Variants in VDAC1 observed in about 807,000 individuals in gnomAD.
The protein encoded by VDAC1 is voltage dependent anion channel 1.
VDAC1 carries 10 observed loss-of-function variants against 34.7 expected under a neutral mutation model. The observed-to-expected ratio is 0.29, with a 90% CI of 0.18 to 0.49. The LOEUF is 0.49. Among genes scored for constraint, VDAC1 ranks in the 20% least tolerant of loss-of-function variants. VDAC1 has a pLI of 0.99. For synonymous variants in VDAC1, 130 were observed against 136.0 expected (o/e 0.96, Z 0.30); for missense variants, 230 against 347.9 (o/e 0.66, Z 2.69).
chr5:134,080,260 A>G, the VDAC1 span, among the ~76,000 whole-genome samples: 213 of 152,334 alleles, frequency 1.4e-3, 1 homozygote, highest in Middle Eastern at 6.8e-3. Context: ...TTACTCCCAC[A>G]AAACAGACTA....
chr5:134,042,992 C>G, the VDAC1 span, among the ~76,000 whole-genome samples: 1 of 152,328 alleles, frequency 6.6e-6, no homozygotes, highest in East Asian at 1.9e-4. Context: ...GGAAACCCTG[C>G]CTGGGCCTTT....
At chr5:134,057,382 A>G in the VDAC1 span, among the ~76,000 whole-genome samples, 2 of 152,094 alleles carry the variant, frequency 1.3e-5, no homozygotes, top group Non-Finnish European at 2.9e-5. Flanking sequence ...TGGGAGGCTG[A>G]GCCCGGAGAA....
chr5:133,984,564 C>A (rs67378718), intron 5 of VDAC1, among the ~76,000 whole-genome samples: 8,024 of 151,252 alleles, frequency 0.053, 236 homozygotes, highest in East Asian at 0.13. Context: ...GGATTACAGG[C>A]GTGAGCCACC....
chr5:134,084,404 G>A, the VDAC1 span, among the ~76,000 whole-genome samples: 1 of 152,220 alleles, frequency 6.6e-6, no homozygotes, highest in Non-Finnish European at 1.5e-5. Flanking sequence ...GGGGTAAGGA[G>A]TCTCAGAGGG....
the VDAC1 span, among the ~76,000 whole-genome samples, chr5:134,107,773 T>C: frequency 6.6e-6 from 1 of 152,188 alleles, no homozygotes; most frequent in African/African-American, 2.4e-5. Context: ...GCCCTAGACA[T>C]TGGGCTAAGT....
At chr5:134,063,173 T>C in the VDAC1 span, among the ~76,000 whole-genome samples, 1 of 152,296 alleles carries the variant, frequency 6.6e-6, no homozygotes, top group Middle Eastern at 3.4e-3. Flanking sequence ...TATATAACCA[T>C]GGTATATTTG....
the VDAC1 span, among the ~76,000 whole-genome samples, chr5:134,051,668 GTT>G: frequency 4.2e-5 from 6 of 141,374 alleles, no homozygotes; most frequent in African/African-American, 1.3e-4. Context: ...TGGGCAGTTT[GTT>G]TTTTTTTTTT....
At chr5:134,035,336 A>G in the VDAC1 span, among the ~76,000 whole-genome samples, 2 of 152,200 alleles carry the variant, frequency 1.3e-5, no homozygotes, top group African/African-American at 4.8e-5. Flanking sequence ...CAACCTCACC[A>G]GCTCAAGTGA....
chr5:133,989,369 T>A (rs1753018328), intron 5 of VDAC1: 1 of 151,876 alleles, frequency 6.6e-6, no homozygotes, highest in South Asian at 2.1e-4. Flanking sequence ...CAATTTTTTT[T>A]TTTTTTTGGA....
chr5:134,019,783 G>T, the VDAC1 span, among the ~76,000 whole-genome samples: 1 of 152,098 alleles, frequency 6.6e-6, no homozygotes, highest in South Asian at 2.1e-4. Flanking sequence ...ACTGAGGCCT[G>T]GTATCAGACC....
chr5:134,092,009 T>G, the VDAC1 span, among the ~76,000 whole-genome samples: 2 of 152,198 alleles, frequency 1.3e-5, no homozygotes, highest in African/African-American at 4.8e-5. Flanking sequence ...CAGGTCTCCT[T>G]TGCGCCACTC....
At chr5:134,032,503 A>C in the VDAC1 span, among the ~76,000 whole-genome samples, 4 of 152,242 alleles carry the variant, frequency 2.6e-5, no homozygotes, top group Non-Finnish European at 4.4e-5. Context: ...TACATGTGCA[A>C]GATTATTCTG....
the VDAC1 span, among the ~76,000 whole-genome samples, chr5:134,103,253 C>G: frequency 1.3e-5 from 2 of 152,204 alleles, no homozygotes; most frequent in Admixed American, 1.3e-4. Context: ...TCCCGAGTAG[C>G]TGGGACTACA....
At chr5:134,013,183 G>A in the VDAC1 span, among the ~76,000 whole-genome samples, 5 of 152,078 alleles carry the variant, frequency 3.3e-5, no homozygotes, top group Non-Finnish European at 7.4e-5. Context: ...ATCAACCGCG[G>A]CAAAGAATTT....
At chr5:134,046,820 T>A in the VDAC1 span, among the ~76,000 whole-genome samples, 1 of 152,232 alleles carries the variant, frequency 6.6e-6, no homozygotes, top group Non-Finnish European at 1.5e-5. Context: ...ACTCTACACC[T>A]ACCAGTGGGG....
chr5:134,101,957 C>T, the VDAC1 span, among the ~76,000 whole-genome samples: 1 of 152,344 alleles, frequency 6.6e-6, no homozygotes, highest in Non-Finnish European at 1.5e-5. Context: ...GGCCAGTAGG[C>T]CAGCTTCGGA....
chr5:134,039,138 C>T, the VDAC1 span, among the ~76,000 whole-genome samples: 1 of 152,122 alleles, frequency 6.6e-6, no homozygotes, highest in Non-Finnish European at 1.5e-5. Context: ...ATTTCTCCTC[C>T]CCACCTCAAT....
the VDAC1 span, among the ~76,000 whole-genome samples, chr5:134,055,751 T>TTTTC: frequency 0.75 from 113,019 of 150,182 alleles, 43,058 homozygotes; most frequent in East Asian, 0.89. Flanking sequence ...TTAATTGTCT[T>TTTTC]TTTTTCTTTA....
the VDAC1 span, among the ~76,000 whole-genome samples, chr5:134,110,971 C>G: frequency 2.6e-5 from 4 of 152,238 alleles, no homozygotes; most frequent in South Asian, 6.2e-4. Flanking sequence ...CTAACAACTT[C>G]CGAAAAATAT....
Sources: gnomAD v4.1 joint callset for allele counts (sites outside exome capture counted in the v4.1 genomes callset) on GRCh38, gnomAD v4.1.1 for gene constraint, MANE v1.5 for transcripts, NCBI Gene and HGNC (gene_info 2026-07-23, HGNC 2026-07-21) for gene names.